AGAP1: variants seen among roughly 807,000 people sequenced by gnomAD.
The protein encoded by AGAP1 is arf-GAP with GTPase, ANK repeat and PH domain-containing protein 1.
A neutral mutation model predicts 105.3 loss-of-function variants in AGAP1; 29 were observed. That is an observed-to-expected ratio of 0.28 (90% CI 0.21 to 0.38). The LOEUF (loss-of-function observed/expected upper bound fraction) is 0.38, where lower values mean the gene tolerates loss of function less well. Among genes scored for constraint, AGAP1 ranks in the 10% least tolerant of loss-of-function variants. AGAP1 has a pLI of 1.00. For synonymous variants in AGAP1, 509 were observed against 485.9 expected (o/e 1.05, Z -0.63); for missense variants, 998 against 1,165.1 (o/e 0.86, Z 2.09).
chr2:236,092,130 G>A lies in AGAP1; in HGVS notation c.2115-28062G>A, dbSNP rs751232074. Among the ~76,000 whole-genome samples the A allele has an allele frequency of 5.9e-5, 9 of 152,326 alleles. No homozygotes were observed. The highest frequency in any genetic ancestry group is 1.3e-4 in the Admixed American group (2 of 15,298). ...CCAGGGTTAGGGATGGAGAGGGTGG[G>A]TGAGGTTTTAGAAAGGCAACAAGAG... On this transcript the variant is annotated intron_variant, in intron 16 of 17. Transcript: ENST00000304032. The surrounding 1 kb of genome is among the most constrained non-coding windows in gnomAD (Gnocchi z 4.7).
Position 235,709,211 on chromosome 2 carries a change from A to G in AGAP1, c.196A>G (p.Ser66Gly). 5 of 1,614,052 alleles carry G rather than the reference A, an allele frequency of 3.1e-6. No homozygotes were observed. Among genetic ancestry groups the G allele is most frequent in the Non-Finnish European group, 3.4e-6 (4 of 1,180,010 alleles). The change falls in exon 2 of 18, where the codon AGT becomes GGT. Residue 66 changes from serine to glycine, a missense_variant. Physicochemically the swap from Ser to Gly is moderately conservative, Grantham distance 56. Around this residue, in one of 3 missense-constraint regions of AGAP1, gnomAD observed 735 missense variants for 833.4 expected, o/e 0.88. Transcript: ENST00000304032. ...AFVNSQEWTLSRSVPELKVGI... is the reference protein window; with the variant it reads ...AFVNSQEWTLGRSVPELKVGI... ...CGTGAACAGCCAGGAATGGACGCTG[A>G]GTCGATCTGTCCCGGAGCTCAAAGT...
intron 1 of AGAP1, among the ~76,000 whole-genome samples, chr2:235,629,266 CATTGTGTGTGTGTGT>C (rs1011031403): frequency 1.0e-4 from 14 of 133,514 alleles, no homozygotes; most frequent in South Asian, 2.5e-4. Context: ...GAGTAGTAGT[CATTGTGTGTGTGTGT>C]GTGTGTGTGT....
chr2:235,825,313 C>T (rs535966253), intron 9 of AGAP1, among the ~76,000 whole-genome samples: 4 of 152,328 alleles, frequency 2.6e-5, no homozygotes, highest in Admixed American at 6.5e-5. Context: ...GAAGATCCAA[C>T]GACCCTTTGA....
intron 16 of AGAP1, among the ~76,000 whole-genome samples, chr2:236,112,735 G>T (rs13015700): frequency 0.073 from 11,133 of 152,310 alleles, 562 homozygotes; most frequent in Middle Eastern, 0.18. Context: ...ACGCTCTCCC[G>T]CTCTCTCAGT....
In AGAP1 at chr2:235,893,399, G is replaced by A. The variant is rs745457041; in HGVS notation, c.1155+9950G>A. On this transcript the variant is annotated intron_variant, in intron 10 of 17. Coordinates refer to ENST00000304032, the MANE Select transcript of AGAP1 (RefSeq NM_001037131.3). The surrounding 1 kb of genome is among the most constrained non-coding windows in gnomAD (Gnocchi z 4.7). ...GGTGTGCTGTGTCTGTGGCGTGGGT[G>A]TAGCGTGTCTTTGGTGTGGGTGTGC... Among the ~76,000 whole-genome samples the A allele has an allele frequency of 1.5e-4, 22 of 151,118 alleles. No individual in the cohort carries two copies. The highest frequency in any genetic ancestry group is 5.9e-5 in the Non-Finnish European group (4 of 67,828).
chr2:235,673,278 AGAATTTAGGTGCTGTTTAAGATTTT>A (rs1412400618), intron 1 of AGAP1, among the ~76,000 whole-genome samples: 4 of 152,196 alleles, frequency 2.6e-5, no homozygotes, highest in Admixed American at 6.5e-5. Flanking sequence ...TAAATTATTC[AGAATTTAGGTGCTGTTTAAGATTTT>A]GAATTTAGGT....
intron 1 of AGAP1, among the ~76,000 whole-genome samples, chr2:235,697,188 A>G (rs1950037765): frequency 6.6e-6 from 1 of 152,182 alleles, no homozygotes; most frequent in African/African-American, 2.4e-5. Context: ...GAGAGCTGGA[A>G]GAACCGGAGG....
chr2:236,096,481 A>G lies in AGAP1; in HGVS notation c.2115-23711A>G, dbSNP rs549282044. On this transcript the variant is annotated intron_variant, in intron 16 of 17. Coordinates refer to ENST00000304032, the MANE Select transcript of AGAP1 (RefSeq NM_001037131.3). This position sits in a 1 kb window ranked among gnomAD's most constrained non-coding sequence, Gnocchi z 4.4. Reference sequence around the variant, plus strand: ...GCACCACTGCACTCCAGCCTTGGGGACAGAGTGAGCCTCCATCTCAAAAAA... The same window carrying G: ...GCACCACTGCACTCCAGCCTTGGGGGCAGAGTGAGCCTCCATCTCAAAAAA... 8.6e-5 allele frequency among the ~76,000 whole-genome samples: 13 copies of G among 151,282 alleles called. No individual in the cohort carries two copies. Among genetic ancestry groups the G allele is most frequent in the Non-Finnish European group, 1.8e-4 (12 of 67,852 alleles).
In AGAP1 at chr2:235,992,481, A is replaced by G. The variant is rs2055612210; in HGVS notation, c.1645+23858A>G. Among the ~76,000 whole-genome samples the G allele has an allele frequency of 6.6e-6, 1 of 152,158 alleles. No homozygotes were observed. The highest frequency in any genetic ancestry group is 6.5e-5 in the Admixed American group (1 of 15,288). On this transcript the variant is annotated intron_variant, in intron 13 of 17. Transcript: ENST00000304032. This position sits in a 1 kb window ranked among gnomAD's most constrained non-coding sequence, Gnocchi z 4.8. ...GACTGCCACCCATTCCTTTCTGAGG[A>G]TTCAGTTCTTATAGACTACAGTATT...
chr2:235,496,879 G>A (rs368740567), intron 1 of AGAP1, among the ~76,000 whole-genome samples: 1 of 152,066 alleles, frequency 6.6e-6, no homozygotes, highest in African/African-American at 2.4e-5. Context: ...TTTTAATAAG[G>A]CTTAGAATCA....
At position 235,992,660 on chromosome 2, in the gene AGAP1, AAGTAGCATTG is replaced by A. The variant is rs1453219992; in HGVS notation, c.1645+24039_1645+24048del. Among the ~76,000 whole-genome samples the A allele has an allele frequency of 6.6e-6, 1 of 152,254 alleles. No homozygotes were observed. Among genetic ancestry groups the A allele is most frequent in the Non-Finnish European group, 1.5e-5 (1 of 68,048 alleles). On this transcript the variant is annotated intron_variant, in intron 13 of 17. Coordinates refer to ENST00000304032, the MANE Select transcript of AGAP1 (RefSeq NM_001037131.3). This position sits in a 1 kb window ranked among gnomAD's most constrained non-coding sequence, Gnocchi z 4.8. Reference sequence around the variant, plus strand: ...GGCAATACTCATCAGAGTATGCATTAAGTAGCATTGAACCACATTTTTAAGGTGACTCTTC... The same window carrying A: ...GGCAATACTCATCAGAGTATGCATTAAACCACATTTTTAAGGTGACTCTTC...
At position 235,761,619 on chromosome 2, in the gene AGAP1, G is replaced by A. The variant is rs189741721; in HGVS notation, c.673+11131G>A. On this transcript the variant is annotated intron_variant, in intron 6 of 17. Transcript: ENST00000304032. ...GTTCATAATCTGTTCATAATGCCACGGCATTCTGCTCTTTCTAATGTTTTT... is the reference window on the plus strand; with the variant it reads ...GTTCATAATCTGTTCATAATGCCACAGCATTCTGCTCTTTCTAATGTTTTT... Among the ~76,000 whole-genome samples, 155 of 152,034 alleles carry A rather than the reference G, an allele frequency of 1.0e-3. 1 individual carries two copies. The highest frequency in any genetic ancestry group is 3.6e-3 in the African/African-American group (149 of 41,456).
At chr2:236,070,194 G>A (rs1309164735) in intron 16 of AGAP1, among the ~76,000 whole-genome samples, 1 of 152,264 alleles carries the variant, frequency 6.6e-6, no homozygotes, top group Non-Finnish European at 1.5e-5. Flanking sequence ...CTCTGGAAGT[G>A]GACCTGCTAG....
chr2:235,896,428 G>A (rs186533079), intron 10 of AGAP1, among the ~76,000 whole-genome samples: 30 of 152,322 alleles, frequency 2.0e-4, no homozygotes, highest in Admixed American at 7.2e-4. Context: ...CAGAGCTTGG[G>A]TTTTAAATGT....
chr2:236,062,436 TTTGTTG>T lies in AGAP1; in HGVS notation c.2114+13176_2114+13181del, dbSNP rs145991084. Among the ~76,000 whole-genome samples the T allele has an allele frequency of 1.5e-4, 22 of 151,022 alleles. No individual in the cohort carries two copies. The highest frequency in any genetic ancestry group is 3.4e-3 in the Middle Eastern group (1 of 292). ...CTAGGAGCATACTCAGGACTCGTAT[TTTGTTG>T]TTGTTGTTGTTGTTGTTGTTACTTT... On this transcript the variant is annotated intron_variant, in intron 16 of 17. Transcript: ENST00000304032. This position sits in a 1 kb window ranked among gnomAD's most constrained non-coding sequence, Gnocchi z 4.2.
chr2:235,539,005 A>G (rs1339568040), intron 1 of AGAP1, among the ~76,000 whole-genome samples: 1 of 152,156 alleles, frequency 6.6e-6, no homozygotes, highest in East Asian at 1.9e-4. Context: ...GGAGAGTTTT[A>G]TATTGTACCT....
intron 16 of AGAP1, among the ~76,000 whole-genome samples, chr2:236,112,271 C>T (rs2059666217): frequency 6.6e-6 from 1 of 152,084 alleles, no homozygotes; most frequent in African/African-American, 2.4e-5. Flanking sequence ...CAAAAATTAG[C>T]CGGACGTGGT....
chr2:236,008,932 A>G (rs1425833771), intron 13 of AGAP1, among the ~76,000 whole-genome samples: 1 of 152,194 alleles, frequency 6.6e-6, no homozygotes, highest in Non-Finnish European at 1.5e-5. Context: ...CAAATTACGA[A>G]GACTGTTGGC....
intron 1 of AGAP1, among the ~76,000 whole-genome samples, chr2:235,707,728 G>T (rs1348867229): frequency 6.8e-6 from 1 of 147,884 alleles, no homozygotes; most frequent in African/African-American, 2.5e-5. Flanking sequence ...CTCCCCCAGG[G>T]TGTGAGATGG....
Sources: allele counts gnomAD v4.1 joint callset (sites outside exome capture counted in the v4.1 genomes callset), GRCh38; gene constraint gnomAD v4.1.1; regional missense constraint gnomAD v4.1.1; non-coding constraint Gnocchi (gnomAD v3.1); transcripts MANE v1.5; gene names NCBI Gene and HGNC (gene_info 2026-07-23, HGNC 2026-07-21).